Variants in NRIP1 observed in about 807,000 individuals in gnomAD.
The protein encoded by NRIP1 is nuclear receptor interacting protein 1.
In NRIP1, 28 loss-of-function variants were observed where a neutral mutation model predicts 75.0. The observed-to-expected ratio is 0.37, with a 90% CI of 0.28 to 0.51. The LOEUF (loss-of-function observed/expected upper bound fraction) is 0.51. Ranked by LOEUF, NRIP1 falls within the 20% of genes least tolerant of loss-of-function variation. The pLI is 0.92. For synonymous variants in NRIP1, 526 were observed against 487.6 expected, an observed-to-expected ratio of 1.08 and a Z score of -1.04; for missense variants, 1,435 against 1,343.7, an observed-to-expected ratio of 1.07 and a Z score of -1.06.
chr21:14,995,548 CTTGCA>C (rs1445745185), intron 3 of NRIP1, among the ~76,000 whole-genome samples: 1 of 152,164 alleles, frequency 6.6e-6, no homozygotes, highest in Non-Finnish European at 1.5e-5. Flanking sequence ...TCGTGTTAAA[CTTGCA>C]TGAATTACAG....
Position 14,965,138 on chromosome 21 carries a change from C to T in NRIP1, c.3055G>A (p.Gly1019Ser). Residue 1019 changes from glycine to serine, a missense_variant, in exon 4 of 4, where the codon GGC becomes AGC. By Grantham distance (56) the Gly-to-Ser change is moderately conservative. Transcript: ENST00000318948. ...GATTCTGGTCTAGACCCTGCACAGCCCAAGTGCTCAGGGAAAGTAGGACTC... is the reference window on the plus strand; with the variant it reads ...GATTCTGGTCTAGACCCTGCACAGCTCAAGTGCTCAGGGAAAGTAGGACTC... Reference protein sequence around the residue: ...PVSPTFPEHLGCAGSRPESGL... With the variant: ...PVSPTFPEHLSCAGSRPESGL... The T allele has an allele frequency of 1.2e-6, 2 of 1,612,934 alleles. No individual in the cohort carries two copies. Among genetic ancestry groups the T allele is most frequent in the Non-Finnish European group, 1.7e-6 (2 of 1,179,896 alleles).
At chr21:15,040,156 T>C (rs2088922391) in intron 2 of NRIP1, among the ~76,000 whole-genome samples, 1 of 152,122 alleles carries the variant, frequency 6.6e-6, no homozygotes, top group Non-Finnish European at 1.5e-5. Context: ...TTCAGAGAGC[T>C]GTGCGTCAAA....
At chr21:15,058,254 A>G (rs1284814605) in intron 1 of NRIP1, among the ~76,000 whole-genome samples, 1 of 152,208 alleles carries the variant, frequency 6.6e-6, no homozygotes, top group Non-Finnish European at 1.5e-5. Flanking sequence ...TCAAAAATCA[A>G]ACCTGAGCCT....
chr21:15,035,397 A>G (rs1188706633), intron 2 of NRIP1, among the ~76,000 whole-genome samples: 1 of 152,158 alleles, frequency 6.6e-6, no homozygotes, highest in Non-Finnish European at 1.5e-5. Context: ...AATAGTTCAC[A>G]TTTATTCATT....
Position 15,064,851 on chromosome 21 carries a change from A to G in NRIP1, c.-644T>C, listed in dbSNP as rs1165611210. 1 of 147,868 alleles carries G rather than the reference A, an allele frequency of 6.8e-6. No homozygotes were observed. The highest frequency in any genetic ancestry group is 2.4e-5 in the African/African-American group (1 of 40,902). The allele number at this position is 147,868 out of a possible 1,614,324, so 9.2% of individuals were successfully genotyped here. On this transcript the variant is annotated 5_prime_UTR_variant, in exon 1 of 4. Coordinates refer to ENST00000318948, the MANE Select transcript of NRIP1 (RefSeq NM_003489.4). Reference sequence around the variant, plus strand: ...CCCCGGCGAGCTCTTCCCTCCGACCAGCGGCGCTCACGGCGCAGCGGCGGA... The same window carrying G: ...CCCCGGCGAGCTCTTCCCTCCGACCGGCGGCGCTCACGGCGCAGCGGCGGA...
chr21:15,054,344 T>C (rs1189388909), intron 1 of NRIP1, among the ~76,000 whole-genome samples: 1 of 152,226 alleles, frequency 6.6e-6, no homozygotes, highest in Non-Finnish European at 1.5e-5. Context: ...AACTGCCTAG[T>C]AGGCTCCAGA....
At chr21:15,027,285 T>C (rs1157527274) in intron 2 of NRIP1, among the ~76,000 whole-genome samples, 1 of 152,214 alleles carries the variant, frequency 6.6e-6, no homozygotes, top group African/African-American at 2.4e-5. Flanking sequence ...GGTAGGTTCT[T>C]GGCAGATCAC....
In NRIP1 at chr21:15,014,388, T is replaced by C. The variant is rs536261145; in HGVS notation, c.-379A>G. ...AGCCTCTGCTTTCTGAGAAAGAAAA[T>C]TGAGAAGGCTGTTGAAAAGTAGCTC... On this transcript the variant is annotated 5_prime_UTR_variant, in exon 3 of 4. Transcript: ENST00000318948. 10 of 398,284 alleles carry C rather than the reference T, an allele frequency of 2.5e-5. No homozygotes were observed. Among genetic ancestry groups the C allele is most frequent in the South Asian group, 1.3e-4 (1 of 7,864 alleles). The allele number at this position is 398,284 out of a possible 1,614,324, so 24.7% of individuals were successfully genotyped here. A position where few individuals can be genotyped will look rare whatever the true frequency, so the allele number is the denominator to read the frequency against.
chr21:15,003,213 C>G (rs970791368), intron 3 of NRIP1, among the ~76,000 whole-genome samples: 2 of 152,022 alleles, frequency 1.3e-5, no homozygotes, highest in Non-Finnish European at 2.9e-5. Context: ...TCAAATAACT[C>G]TTGAAAAGTA....
At chr21:15,003,372 C>T (rs899616986) in intron 3 of NRIP1, among the ~76,000 whole-genome samples, 3 of 152,078 alleles carry the variant, frequency 2.0e-5, no homozygotes, top group African/African-American at 7.2e-5. Context: ...TCTCATTTTG[C>T]ACTTTTTCTA....
rs549868934 is a variant in NRIP1 at position 15,036,211 on chromosome 21, A to G, written c.-458+7284T>C. Among the ~76,000 whole-genome samples the G allele has an allele frequency of 5.3e-5, 8 of 152,340 alleles. No homozygotes were observed. The South Asian group carries it at 1.7e-3, about 32-fold the overall frequency. ...ATTTTCTAAACTTTATGCCCTAGAT[A>G]ATAAAGGGCTGTGTATACTGCCCAC... On this transcript the variant is annotated intron_variant, in intron 2 of 3. Coordinates refer to ENST00000318948, the MANE Select transcript of NRIP1 (RefSeq NM_003489.4).
Position 15,014,446 on chromosome 21 carries a change from C to T in NRIP1, c.-437G>A, listed in dbSNP as rs1297787611. On this transcript the variant is annotated 5_prime_UTR_variant, in exon 3 of 4. Transcript: ENST00000318948. ...ATCCGGAGTCTTCAGATTCCCTGTC[C>T]TCCTTCAGTCAAGTGTGCATCTTAA... 5 of 398,302 alleles carry T rather than the reference C, an allele frequency of 1.3e-5. No individual in the cohort carries two copies. Among genetic ancestry groups the T allele is most frequent in the Non-Finnish European group, 2.2e-5 (5 of 225,954 alleles). The allele number at this position is 398,302 out of a possible 1,614,324, so 24.7% of individuals were successfully genotyped here. A position where few individuals can be genotyped will look rare whatever the true frequency, so the allele number is the denominator to read the frequency against.
At chr21:14,974,636 C>T (rs1455374761) in intron 3 of NRIP1, among the ~76,000 whole-genome samples, 1 of 152,194 alleles carries the variant, frequency 6.6e-6, no homozygotes, top group African/African-American at 2.4e-5. Context: ...TACTGTCACA[C>T]ACCCTTTGAA....
chr21:15,052,774 G>A (rs1180090984), intron 1 of NRIP1, among the ~76,000 whole-genome samples: 3 of 151,748 alleles, frequency 2.0e-5, no homozygotes, highest in East Asian at 1.9e-4. Flanking sequence ...AAAACAAAAC[G>A]TAGTCCAAAG....
rs867403407 is a variant in NRIP1, at chr21:15,025,731, G to A, written c.-457-11265C>T. Among the ~76,000 whole-genome samples the A allele has an allele frequency of 2.6e-5, 4 of 152,228 alleles. No individual in the cohort carries two copies. In the South Asian group the frequency reaches 8.3e-4, roughly 32 times the overall value. On this transcript the variant is annotated intron_variant, in intron 2 of 3. Coordinates refer to ENST00000318948, the MANE Select transcript of NRIP1 (RefSeq NM_003489.4). ...AAAGAGAAGACACAGTATCACTTCTGTGATATTCCTGCTCAATATTCATAA... is the reference window on the plus strand; with the variant it reads ...AAAGAGAAGACACAGTATCACTTCTATGATATTCCTGCTCAATATTCATAA...
chr21:14,966,125 GACT>G lies in NRIP1; in HGVS notation c.2065_2067del (p.Ser689del), dbSNP rs745553210. The G allele has an allele frequency of 1.2e-5, 19 of 1,612,588 alleles. No individual in the cohort carries two copies. The highest frequency in any genetic ancestry group is 1.7e-5 in the Admixed American group (1 of 59,962). Reference sequence around the variant, plus strand: ...AGCCCTGGTTCAGGACCTGTTGGTTGACTACTAAATGCTTTATTTTCTTCAACT... The same window carrying G: ...AGCCCTGGTTCAGGACCTGTTGGTTGACTAAATGCTTTATTTTCTTCAACT... On this transcript the variant is annotated inframe_deletion, in exon 4 of 4. Coordinates refer to ENST00000318948, the MANE Select transcript of NRIP1 (RefSeq NM_003489.4).
chr21:14,980,772 T>C (rs890880737), intron 3 of NRIP1, among the ~76,000 whole-genome samples: 10 of 152,122 alleles, frequency 6.6e-5, no homozygotes, highest in African/African-American at 2.2e-4. Flanking sequence ...TATATGTACA[T>C]GTAAATGTTC....
intron 2 of NRIP1, among the ~76,000 whole-genome samples, chr21:15,026,546 T>A (rs1403558245): frequency 1.3e-5 from 2 of 152,160 alleles, no homozygotes; most frequent in East Asian, 3.8e-4. Flanking sequence ...GTCTTGCACA[T>A]CTTCTTCAGA....
At chr21:14,974,835 C>T (rs1682788280) in intron 3 of NRIP1, among the ~76,000 whole-genome samples, 1 of 152,130 alleles carries the variant, frequency 6.6e-6, no homozygotes, top group Non-Finnish European at 1.5e-5. Context: ...TGGCTGGGCG[C>T]AGTGGCTCAT....
Sources: allele counts gnomAD v4.1 joint callset (sites outside exome capture counted in the v4.1 genomes callset), GRCh38; gene constraint gnomAD v4.1.1; transcripts MANE v1.5; gene names NCBI Gene and HGNC (gene_info 2026-07-23, HGNC 2026-07-21).